The following ROR1 variants were observed in gnomAD, a reference collection of about 807,000 sequenced individuals.
The protein encoded by ROR1 is inactive tyrosine-protein kinase transmembrane receptor ROR1.
ROR1 carries 19 observed loss-of-function variants against 78.8 expected under a neutral mutation model. The ratio of observed to expected loss-of-function variants is 0.24; its 90% CI spans 0.17 to 0.35. The LOEUF (loss-of-function observed/expected upper bound fraction) is 0.35. Ranked by LOEUF, ROR1 falls within the 10% of genes least tolerant of loss-of-function variation. The pLI, the probability that ROR1 is intolerant of heterozygous loss-of-function variation, is 1.00. For synonymous variants in ROR1, 386 were observed against 433.6 expected, an observed-to-expected ratio of 0.89 and a Z score of 1.36; for missense variants, 917 against 1,177.8, an observed-to-expected ratio of 0.78 and a Z score of 3.24.
intron 1 of ROR1, among the ~76,000 whole-genome samples, chr1:63,802,819 C>T (rs930820829): frequency 2.6e-5 from 4 of 152,176 alleles, no homozygotes; most frequent in African/African-American, 7.2e-5. Context: ...CTCCTCTGGA[C>T]CAGCACTGTC....
chr1:63,894,288 A>C (rs1445964214), intron 1 of ROR1, among the ~76,000 whole-genome samples: 1 of 152,150 alleles, frequency 6.6e-6, no homozygotes, highest in Non-Finnish European at 1.5e-5. Flanking sequence ...TTATTTCTGC[A>C]ATTTTCCATT....
chr1:64,064,872 C>T (rs1646944316), intron 4 of ROR1, among the ~76,000 whole-genome samples: 1 of 152,160 alleles, frequency 6.6e-6, no homozygotes, highest in Admixed American at 6.5e-5. Context: ...CTGTAATTTT[C>T]AGAATATTTT....
intron 1 of ROR1, among the ~76,000 whole-genome samples, chr1:63,822,701 T>C (rs1644930526): frequency 6.6e-6 from 1 of 152,240 alleles, no homozygotes; most frequent in African/African-American, 2.4e-5. Context: ...AAATCATCAA[T>C]TTTTAATCAC....
At chr1:63,921,400 A>T (rs568090967) in intron 1 of ROR1, among the ~76,000 whole-genome samples, 1 of 152,104 alleles carries the variant, frequency 6.6e-6, no homozygotes, top group Non-Finnish European at 1.5e-5. Context: ...GATCTTAGAG[A>T]ACCAAGTAAA....
intron 1 of ROR1, among the ~76,000 whole-genome samples, chr1:63,811,312 T>C (rs1016153320): frequency 2.0e-5 from 3 of 152,240 alleles, no homozygotes; most frequent in Non-Finnish European, 4.4e-5. Flanking sequence ...ATGCCTGTGC[T>C]GGACAGCCCC....
intron 8 of ROR1, among the ~76,000 whole-genome samples, chr1:64,163,494 G>T (rs1193208116): frequency 6.6e-6 from 1 of 152,146 alleles, no homozygotes; most frequent in Admixed American, 6.5e-5. Flanking sequence ...GTGAGATGCA[G>T]CCAAAGCCTG....
intron 4 of ROR1, among the ~76,000 whole-genome samples, chr1:64,131,913 A>G (rs1648926365): frequency 6.6e-6 from 1 of 152,162 alleles, no homozygotes. Context: ...GAGCCACTGC[A>G]CCCAGCCAGA....
At chr1:64,009,236 T>C (rs1426078328) in intron 1 of ROR1, 69 bp from the exon 2 acceptor site, 11 of 1,191,282 alleles carry the variant, frequency 9.2e-6, no homozygotes, top group South Asian at 4.9e-5. Flanking sequence ...CTAATGCTTC[T>C]AACAGCCTAT....
chr1:64,015,929 G>A (rs1372884889), intron 2 of ROR1, among the ~76,000 whole-genome samples: 2 of 152,124 alleles, frequency 1.3e-5, no homozygotes, highest in Non-Finnish European at 2.9e-5. Context: ...GAAAGGGCTG[G>A]TGTATGAATT....
intron 1 of ROR1, among the ~76,000 whole-genome samples, chr1:63,924,415 G>A (rs550615853): frequency 5.3e-5 from 8 of 152,086 alleles, no homozygotes; most frequent in Non-Finnish European, 1.0e-4. Flanking sequence ...TTAAAAATAA[G>A]AGGGAAGTCT....
intron 4 of ROR1, among the ~76,000 whole-genome samples, chr1:64,088,940 G>A (rs1315054206): frequency 4.0e-5 from 6 of 151,636 alleles, no homozygotes; most frequent in Admixed American, 3.9e-4. Context: ...GCCAGAGCAG[G>A]GCTTTAAAAT....
intron 1 of ROR1, among the ~76,000 whole-genome samples, chr1:63,786,501 T>C (rs1297885656): frequency 6.6e-6 from 1 of 150,958 alleles, no homozygotes; most frequent in Non-Finnish European, 1.5e-5. Flanking sequence ...CTCGATCTCC[T>C]GACCCCGTGA....
At chr1:64,055,720 A>G (rs948695243) in intron 4 of ROR1, among the ~76,000 whole-genome samples, 4 of 152,330 alleles carry the variant, frequency 2.6e-5, no homozygotes, top group African/African-American at 9.6e-5. Context: ...TTTTATTAAG[A>G]TACAGTTAAC....
intron 4 of ROR1, among the ~76,000 whole-genome samples, chr1:64,100,193 A>G (rs1326810767): frequency 6.6e-6 from 1 of 151,996 alleles, no homozygotes; most frequent in East Asian, 1.9e-4. Flanking sequence ...TTTTTTAAAA[A>G]AAAGTTGACC....
intron 1 of ROR1, among the ~76,000 whole-genome samples, chr1:63,931,379 T>C (rs892081692): frequency 2.6e-5 from 4 of 152,070 alleles, no homozygotes. Context: ...AGCTCTGAGG[T>C]CAGACAAAAT....
At chr1:64,000,394 T>C (rs577687609) in intron 1 of ROR1, among the ~76,000 whole-genome samples, 1 of 152,230 alleles carries the variant, frequency 6.6e-6, no homozygotes, top group African/African-American at 2.4e-5. Context: ...AATAAACAAA[T>C]TATTTTATTG....
intron 4 of ROR1, among the ~76,000 whole-genome samples, chr1:64,086,746 C>G (rs1368725378): frequency 6.6e-6 from 1 of 152,138 alleles, no homozygotes; most frequent in African/African-American, 2.4e-5. Context: ...TCCTGTAGAA[C>G]ATCTTTATTA....
intron 1 of ROR1, among the ~76,000 whole-genome samples, chr1:63,823,607 A>G (rs1644936453): frequency 6.6e-6 from 1 of 151,634 alleles, no homozygotes; most frequent in South Asian, 2.1e-4. Flanking sequence ...GTGCCACCAC[A>G]CCCAGCTAAT....
chr1:63,887,801 C>T (rs1226654526), intron 1 of ROR1, among the ~76,000 whole-genome samples: 2 of 152,262 alleles, frequency 1.3e-5, no homozygotes, highest in East Asian at 1.9e-4. Flanking sequence ...ATCTCTAAAA[C>T]AATTATAATA....
Sources: allele counts gnomAD v4.1 joint callset (sites outside exome capture counted in the v4.1 genomes callset), GRCh38; gene constraint gnomAD v4.1.1; transcripts MANE v1.5; gene names NCBI Gene and HGNC (gene_info 2026-07-23, HGNC 2026-07-21).